HERC4: variants seen among roughly 807,000 people sequenced by gnomAD.
The protein encoded by HERC4 is HECT and RLD domain containing E3 ubiquitin protein ligase 4.
Under a neutral mutation model 124.3 loss-of-function variants are expected in HERC4, and 28 were observed. That is an observed-to-expected ratio of 0.23 (90% CI 0.17 to 0.31). The LOEUF (loss-of-function observed/expected upper bound fraction) is 0.31. HERC4 is among the 10% of genes least tolerant of loss of function. The pLI is 1.00. For synonymous variants in HERC4, 407 were observed against 421.5 expected, an observed-to-expected ratio of 0.97 and a Z score of 0.42; for missense variants, 713 against 1,229.3, an observed-to-expected ratio of 0.58 and a Z score of 6.28.
At chr10:68,004,080 T>A (rs1169398855) in intron 9 of HERC4, among the ~76,000 whole-genome samples, 1 of 152,228 alleles carries the variant, frequency 6.6e-6, no homozygotes, top group Non-Finnish European at 1.5e-5. Context: ...TAGTTTTGAT[T>A]TGCATTTCTC....
chr10:68,006,375 GTTTTTT>G (rs772576805), intron 9 of HERC4, among the ~76,000 whole-genome samples: 7 of 134,036 alleles, frequency 5.2e-5, no homozygotes, highest in South Asian at 2.3e-4. Context: ...TTTTGTTTTT[GTTTTTT>G]TTTTTTTTTT....
At chr10:67,997,729 T>G (rs988625535) in intron 9 of HERC4, among the ~76,000 whole-genome samples, 1 of 152,072 alleles carries the variant, frequency 6.6e-6, no homozygotes, top group Non-Finnish European at 1.5e-5. Flanking sequence ...CTAAAGAGGG[T>G]AATAATTTTT....
At chr10:67,992,371 A>T (rs755649130) in intron 10 of HERC4, 48 bp from the exon 11 acceptor site, 53 of 1,580,436 alleles carry the variant, frequency 3.4e-5, no homozygotes, top group Non-Finnish European at 4.3e-5. Flanking sequence ...ATTATATATA[A>T]CTCAAAAACC....
At chr10:68,010,943 T>A in intron 9 of HERC4, 4 of 1,096,244 alleles carry the variant, frequency 3.6e-6, no homozygotes, top group South Asian at 1.3e-5. Context: ...GCTTTAGTTC[T>A]AGTTCTCTTG....
chr10:68,027,696 G>A (rs2038974964), intron 7 of HERC4, among the ~76,000 whole-genome samples: 1 of 152,186 alleles, frequency 6.6e-6, no homozygotes, highest in Non-Finnish European at 1.5e-5. Context: ...GCTGAGGCGG[G>A]TGGATCATTT....
At chr10:67,988,303 G>A (rs2036372146) in intron 15 of HERC4, among the ~76,000 whole-genome samples, 1 of 152,026 alleles carries the variant, frequency 6.6e-6, no homozygotes, top group Admixed American at 6.6e-5. Flanking sequence ...ATTACAACTA[G>A]GACCCAATCT....
chr10:67,965,443 T>C lies in HERC4; in HGVS notation c.1926+1240A>G, dbSNP rs187601751. ...ATTGTTTGTTGAATAAGCAAATGAATAGACCTAAATCTATAGAATGGCTAT... is the reference window on the plus strand; with the variant it reads ...ATTGTTTGTTGAATAAGCAAATGAACAGACCTAAATCTATAGAATGGCTAT... On this transcript the variant is annotated intron_variant, in intron 16 of 24. Coordinates refer to ENST00000373700, the MANE Select transcript of HERC4 (RefSeq NM_015601.4). 2.6e-5 allele frequency: 4 copies of C among 152,326 alleles called. No homozygotes were observed. In the East Asian group the frequency reaches 7.7e-4, roughly 29 times the overall value. 9.4% of individuals were successfully genotyped at this position (152,326 alleles called of 1,614,324 possible).
intron 23 of HERC4, among the ~76,000 whole-genome samples, chr10:67,925,713 TA>T (rs900440809): frequency 1.2e-4 from 17 of 145,328 alleles, no homozygotes; most frequent in South Asian, 2.2e-4. Flanking sequence ...GACTAAATCA[TA>T]AAAAAAAAAA....
chr10:67,968,030 C>A (rs1053966781), intron 15 of HERC4, among the ~76,000 whole-genome samples: 1 of 151,940 alleles, frequency 6.6e-6, no homozygotes, highest in East Asian at 1.9e-4. Flanking sequence ...AAACTCTAGA[C>A]AATACATTAA....
At chr10:68,011,388 A>C (rs936655631) in intron 9 of HERC4, among the ~76,000 whole-genome samples, 1 of 152,226 alleles carries the variant, frequency 6.6e-6, no homozygotes, top group South Asian at 2.1e-4. Flanking sequence ...AGGAATCACT[A>C]TATGTGGTAA....
At chr10:67,936,465 A>C (rs1343734307) in intron 21 of HERC4, among the ~76,000 whole-genome samples, 1 of 152,236 alleles carries the variant, frequency 6.6e-6, no homozygotes, top group Non-Finnish European at 1.5e-5. Flanking sequence ...AAGTTTGGTA[A>C]GTTAATAAGG....
At chr10:68,030,239 A>C (rs1232807951) in intron 7 of HERC4, among the ~76,000 whole-genome samples, 1 of 151,816 alleles carries the variant, frequency 6.6e-6, no homozygotes, top group African/African-American at 2.4e-5. Flanking sequence ...CAGGAGTTCA[A>C]GACCACCCTG....
At chr10:68,072,820 T>C (rs943489844) in intron 3 of HERC4, 63 bp downstream of exon 3, 37 of 1,141,910 alleles carry the variant, frequency 3.2e-5, no homozygotes, top group Non-Finnish European at 4.4e-5. Flanking sequence ...AATTATACGA[T>C]GATTCAAATT....
At position 67,954,629 on chromosome 10, in the gene HERC4, T is replaced by C. The variant is rs147180638; in HGVS notation, c.2303A>G (p.Tyr768Cys). The C allele has an allele frequency of 1.2e-6, 2 of 1,613,330 alleles. No individual in the cohort carries two copies. Among genetic ancestry groups the C allele is most frequent in the Non-Finnish European group, 1.7e-6 (2 of 1,179,610 alleles). Residue 768 changes from tyrosine (Y) to cysteine (C), a missense_variant, in exon 19 of 25, where the codon TAT (tyrosine) becomes TGT (cysteine). Transcript: ENST00000373700. Reference sequence around the variant, plus strand: ...AAACCAAATGAGCCTGGAATCTTCATAATACCTAAACATGCCGTATTTAGG... The same window carrying C: ...AAACCAAATGAGCCTGGAATCTTCACAATACCTAAACATGCCGTATTTAGG... ...LDPKYGMFRY[Y>C]EDSRLIWFSD...
chr10:68,047,259 GT>G (rs2040061682), intron 3 of HERC4, among the ~76,000 whole-genome samples: 1 of 149,690 alleles, frequency 6.7e-6, no homozygotes, highest in Non-Finnish European at 1.5e-5. Context: ...TGAACCAAAA[GT>G]TCACAGAGAA....
intron 8 of HERC4, among the ~76,000 whole-genome samples, chr10:68,022,350 T>A (rs569114769): frequency 4.5e-4 from 69 of 151,872 alleles, no homozygotes; most frequent in Middle Eastern, 6.8e-3. Context: ...AAACACAAAA[T>A]TAGTCGGGCA....
intron 3 of HERC4, among the ~76,000 whole-genome samples, chr10:68,051,644 C>T (rs532512067): frequency 6.6e-6 from 1 of 151,546 alleles, no homozygotes; most frequent in Admixed American, 6.6e-5. Context: ...CAGGCGTGAG[C>T]CACCATGCCC....
At chr10:68,060,951 A>G (rs575614395) in intron 3 of HERC4, among the ~76,000 whole-genome samples, 1 of 152,058 alleles carries the variant, frequency 6.6e-6, no homozygotes, top group Admixed American at 6.6e-5. Flanking sequence ...GTCTTCTAAT[A>G]ATGTATAGGT....
At chr10:68,019,453 C>G (rs902987352) in intron 8 of HERC4, among the ~76,000 whole-genome samples, 1 of 152,038 alleles carries the variant, frequency 6.6e-6, no homozygotes, top group Non-Finnish European at 1.5e-5. Context: ...GTACATACAA[C>G]AGCTTATGGC....
Sources: allele counts gnomAD v4.1 joint callset (sites outside exome capture counted in the v4.1 genomes callset), GRCh38; gene constraint gnomAD v4.1.1; transcripts MANE v1.5; gene names NCBI Gene and HGNC (gene_info 2026-07-23, HGNC 2026-07-21).